The following TRPM2 variants were observed in gnomAD, a reference collection of about 807,000 sequenced individuals.
TRPM2 encodes transient receptor potential cation channel subfamily M member 2, also known as estrogen-responsive element-associated gene 1 protein.
TRPM2 carries 161 observed loss-of-function variants against 174.0 expected under a neutral mutation model. The ratio of observed to expected loss-of-function variants is 0.93; its 90% confidence interval spans 0.81 to 1.05. The LOEUF (loss-of-function observed/expected upper bound fraction) is 1.05, where lower values mean the gene tolerates loss of function less well. Among genes scored for constraint, TRPM2 ranks in the 50% least tolerant of loss-of-function variants. TRPM2 has a pLI of 0.00. For missense variants in TRPM2, 2,057 were observed against 2,038.0 expected (o/e 1.01, Z -0.18); for synonymous variants, 954 against 861.3 (o/e 1.11, Z -1.88).
intron 9 of TRPM2, among the ~76,000 whole-genome samples, chr21:44,384,965 A>G (rs576516058): frequency 5.9e-5 from 9 of 152,350 alleles, no homozygotes; most frequent in Admixed American, 5.2e-4. Flanking sequence ...TTCTGATACC[A>G]AAGACAGACA....
intron 27 of TRPM2, among the ~76,000 whole-genome samples, chr21:44,434,287 G>C (rs2051145914): frequency 6.6e-6 from 1 of 150,762 alleles, no homozygotes; most frequent in Non-Finnish European, 1.5e-5. Context: ...TGGCAGAGAC[G>C]CTGGCAGGGA....
At chr21:44,373,172 T>C (rs1177798540) in intron 5 of TRPM2, among the ~76,000 whole-genome samples, 1 of 151,952 alleles carries the variant, frequency 6.6e-6, no homozygotes, top group Non-Finnish European at 1.5e-5. Context: ...GACACACCCT[T>C]GGCCCTCTCT....
intron 11 of TRPM2, among the ~76,000 whole-genome samples, chr21:44,394,983 C>A (rs1458825196): frequency 6.6e-6 from 1 of 152,194 alleles, no homozygotes; most frequent in Non-Finnish European, 1.5e-5. Flanking sequence ...TATTGCCCAC[C>A]TGACAGATCT....
At chr21:44,378,526 C>A (rs974770307) in intron 7 of TRPM2, among the ~76,000 whole-genome samples, 2 of 152,150 alleles carry the variant, frequency 1.3e-5, no homozygotes, top group African/African-American at 4.8e-5. Flanking sequence ...GCGGCTGCAC[C>A]CGCCTCCTTA....
chr21:44,418,017 C>T lies in TRPM2; in HGVS notation c.3237C>T (p.Ala1079=), dbSNP rs372801595. 46 of 1,613,062 alleles carry T rather than the reference C, an allele frequency of 2.9e-5. No homozygotes were observed. The Middle Eastern group carries it at 4.9e-4, about 17-fold the overall frequency. Reference sequence around the variant, plus strand: ...TCGAGGAGTACCACGGCCGCCCCGCCGCGCCGCCCCCCTTCATCCTCCTCA... The same window carrying T: ...TCGAGGAGTACCACGGCCGCCCCGCTGCGCCGCCCCCCTTCATCCTCCTCA... ...DLIEEYHGRP[A]APPPFILLSH... Residue 1079 remains alanine (A), a synonymous_variant, in exon 21 of 32, where the codon GCC becomes GCT. Transcript: ENST00000397928.
rs1292816882 is a variant in TRPM2, at chr21:44,441,794, G to A, written c.4489G>A (p.Ala1497Thr). The A allele has an allele frequency of 4.3e-6, 7 of 1,609,608 alleles. No homozygotes were observed. The highest frequency in any genetic ancestry group is 1.1e-5 in the South Asian group (1 of 89,832). Residue 1497 changes from alanine (A) to threonine (T), a missense_variant, in exon 32 of 32, where the codon GCT becomes ACT. Physicochemically the swap from Ala to Thr is moderately conservative, Grantham distance 58. Coordinates refer to ENST00000397928, the MANE Select transcript of TRPM2 (RefSeq NM_003307.4). ...CAAGACCCTCCTCCAGAAGGCAGCC[G>A]CTGAGTTCGGGGCTCACTACTGACT... is the stretch of plus-strand genomic sequence containing the variant. The part of the protein sequence containing the change: ...NHKTLLQKAA[A>T]EFGAHY
chr21:44,366,708 G>T lies in TRPM2; in HGVS notation c.424-46G>T, dbSNP rs1602138274. 6.2e-7 allele frequency: 1 copy of T among 1,611,900 alleles called. No individual in the cohort carries two copies. Among genetic ancestry groups the T allele is most frequent in the South Asian group, 1.1e-5 (1 of 90,932 alleles). ...GCCTGTGTGGGTCGGTGCTGTCCCTGACCACTGACACACAGGTTCCCTCCG... is the reference window on the plus strand; with the variant it reads ...GCCTGTGTGGGTCGGTGCTGTCCCTTACCACTGACACACAGGTTCCCTCCG... On this transcript the variant is annotated intron_variant, in intron 3 of 31. Transcript: ENST00000397928. The surrounding 1 kb of genome is among the most constrained non-coding windows in gnomAD (Gnocchi z 6.0).
rs987627684 is a variant in TRPM2 at position 44,426,556 on chromosome 21, G to A, written c.3796-104G>A. ...CTTCTGCCCTGCATGTTGGGATGTT[G>A]GGGTCGGGTTCAGACCCAGCTGAGC... On this transcript the variant is annotated intron_variant, in intron 25 of 31. Transcript: ENST00000397928. 8.6e-6 allele frequency: 10 copies of A among 1,168,990 alleles called. No homozygotes were observed. The African/African-American group carries it at 1.5e-4, about 18-fold the overall frequency. The allele number at this position is 1,168,990 out of a possible 1,614,324, so 72.4% of individuals were successfully genotyped here. A position where few individuals can be genotyped will look rare whatever the true frequency, so the allele number is the denominator to read the frequency against.
chr21:44,373,478 C>A (rs947088798), intron 5 of TRPM2, among the ~76,000 whole-genome samples: 1 of 152,254 alleles, frequency 6.6e-6, no homozygotes, highest in Non-Finnish European at 1.5e-5. Context: ...TGAGCCACTG[C>A]GCTTGGCCGT....
intron 28 of TRPM2, 148 bp downstream of exon 28, chr21:44,435,365 G>A (rs914827561): frequency 5.2e-6 from 4 of 771,550 alleles, no homozygotes; most frequent in South Asian, 3.7e-5. Context: ...TGCGGGAGGC[G>A]TCTGTGGATA....
rs2051061208 is a variant in TRPM2 at position 44,432,509 on chromosome 21, G to T, written c.3975-2622G>T. On this transcript the variant is annotated intron_variant, in intron 27 of 31. Coordinates refer to ENST00000397928, the MANE Select transcript of TRPM2 (RefSeq NM_003307.4). This position sits in a 1 kb window ranked among gnomAD's most constrained non-coding sequence, Gnocchi z 4.9. The stretch of plus-strand genomic sequence containing the variant: ...GGTTCTGGGAAGGACATACATTTGT[G>T]GGCATTGTTCACCCCAGTGCATCTT... Among the ~76,000 whole-genome samples, 1 of 152,158 alleles carries T rather than the reference G, an allele frequency of 6.6e-6. No individual in the cohort carries two copies. The highest frequency in any genetic ancestry group is 1.5e-5 in the Non-Finnish European group (1 of 68,030).
intron 27 of TRPM2, among the ~76,000 whole-genome samples, chr21:44,429,009 G>A (rs1164052275): frequency 1.3e-5 from 2 of 152,176 alleles, no homozygotes; most frequent in Admixed American, 1.3e-4. Context: ...GCTTTTTTGT[G>A]AGTTTAAAAG....
intron 27 of TRPM2, among the ~76,000 whole-genome samples, chr21:44,434,676 C>G (rs906503138): frequency 6.6e-6 from 1 of 152,074 alleles, no homozygotes; most frequent in Non-Finnish European, 1.5e-5. Context: ...TCTGTGTGGC[C>G]TATCATCTGT....
chr21:44,440,733 C>G (rs1190128846), intron 30 of TRPM2, 56 bp from the exon 31 acceptor site: 7 of 1,482,252 alleles, frequency 4.7e-6, no homozygotes, highest in Admixed American at 1.7e-5. Flanking sequence ...CGAGGTGGGC[C>G]GGGGCACCGC....
intron 19 of TRPM2, among the ~76,000 whole-genome samples, chr21:44,407,358 C>G (rs994983742): frequency 6.7e-6 from 1 of 148,850 alleles, no homozygotes; most frequent in African/African-American, 2.5e-5. Flanking sequence ...AACTCTTGAG[C>G]TCAAGTGATC....
chr21:44,435,271 T>C, intron 28 of TRPM2, 54 bp downstream of exon 28: 1 of 1,581,654 alleles, frequency 6.3e-7, no homozygotes, highest in Non-Finnish European at 8.6e-7. Flanking sequence ...CACCCCACCT[T>C]CACAAGGGGC....
intron 5 of TRPM2, among the ~76,000 whole-genome samples, chr21:44,375,342 G>C (rs993642215): frequency 6.6e-6 from 1 of 152,204 alleles, no homozygotes; most frequent in Non-Finnish European, 1.5e-5. Flanking sequence ...CACATTTTTA[G>C]GTGTTTGTTG....
At chr21:44,362,051 G>A (rs903869713) in intron 2 of TRPM2, among the ~76,000 whole-genome samples, 4 of 152,154 alleles carry the variant, frequency 2.6e-5, no homozygotes, top group Admixed American at 6.5e-5. Flanking sequence ...TTTTCTTAAA[G>A]GGGTTGCTCT....
rs1188832641 is a variant in TRPM2 at position 44,432,361 on chromosome 21, T to TC, written c.3975-2770_3975-2769insC. Among the ~76,000 whole-genome samples the TC allele has an allele frequency of 3.9e-5, 6 of 152,224 alleles. No individual in the cohort carries two copies. Among genetic ancestry groups the TC allele is most frequent in the African/African-American group, 1.4e-4 (6 of 41,460 alleles). ...CACATGGCCTCTCCCTGCACGTGTC[T>TC]GTGTCTCTTCTGTTCTTAGGATTAT... On this transcript the variant is annotated intron_variant, in intron 27 of 31. Transcript: ENST00000397928. This position sits in a 1 kb window ranked among gnomAD's most constrained non-coding sequence, Gnocchi z 4.9.
Sources: allele counts gnomAD v4.1 joint callset (sites outside exome capture counted in the v4.1 genomes callset), GRCh38; gene constraint gnomAD v4.1.1; non-coding constraint Gnocchi (gnomAD v3.1); transcripts MANE v1.5; gene names NCBI Gene and HGNC (gene_info 2026-07-23, HGNC 2026-07-21).